Variants in THOP1 observed in about 807,000 individuals in gnomAD.
The protein encoded by THOP1 is thimet oligopeptidase.
A neutral mutation model predicts 71.8 loss-of-function variants in THOP1; 49 were observed. The ratio of observed to expected loss-of-function variants is 0.68; its 90% CI spans 0.54 to 0.87. The LOEUF (loss-of-function observed/expected upper bound fraction) is 0.87. Among genes scored for constraint, THOP1 ranks in the 40% least tolerant of loss-of-function variants. THOP1 has a pLI of 0.00. For missense variants in THOP1, 843 were observed against 975.6 expected (o/e 0.86, Z 1.81); for synonymous variants, 426 against 421.5 (o/e 1.01, Z -0.13).
rs951140557 is a variant in THOP1, at chr19:2,801,575, G to T, written c.589+1784G>T. 6.6e-6 allele frequency among the ~76,000 whole-genome samples: 1 copy of T among 152,196 alleles called. No individual in the cohort carries two copies. Among genetic ancestry groups the T allele is most frequent in the South Asian group, 2.1e-4 (1 of 4,832 alleles). ...CTTTGTGGTCCGTCATTTCTCAGGA[G>T]ACGCCTTGCGATGGTCTTAGTTCCT... On this transcript the variant is annotated intron_variant, in intron 5 of 12. Coordinates refer to ENST00000307741, the MANE Select transcript of THOP1 (RefSeq NM_003249.5). This position sits in a 1 kb window ranked among gnomAD's most constrained non-coding sequence, Gnocchi z 5.1.
intron 9 of THOP1, 55 bp downstream of exon 9, chr19:2,808,499 TG>T: frequency 1.3e-6 from 2 of 1,510,810 alleles, no homozygotes; most frequent in South Asian, 2.5e-5. Context: ...GGGCTGCCTG[TG>T]GTCAGCGAGG....
At chr19:2,800,560 G>A (rs902281791) in intron 5 of THOP1, among the ~76,000 whole-genome samples, 2 of 152,256 alleles carry the variant, frequency 1.3e-5, no homozygotes, top group Admixed American at 1.3e-4. Flanking sequence ...CTGAGGTGGT[G>A]GGTGGGGACA....
intron 1 of THOP1, among the ~76,000 whole-genome samples, chr19:2,789,027 C>G (rs1162901504): frequency 6.6e-6 from 1 of 152,212 alleles, no homozygotes; most frequent in Non-Finnish European, 1.5e-5. Context: ...TCCCAAAGTG[C>G]TGGGATTACA....
chr19:2,811,762 C>T (rs774886754), intron 12 of THOP1, 28 bp downstream of exon 12: 43 of 1,542,132 alleles, frequency 2.8e-5, no homozygotes, highest in African/African-American at 7.3e-5. Context: ...ACAGGGAGGG[C>T]GTCCTGAACG....
chr19:2,785,995 C>G (rs577352908), intron 1 of THOP1, among the ~76,000 whole-genome samples: 1 of 152,304 alleles, frequency 6.6e-6, no homozygotes, highest in African/African-American at 2.4e-5. Context: ...CACAGACAGA[C>G]ATTCAAAAAT....
intron 2 of THOP1, among the ~76,000 whole-genome samples, chr19:2,793,665 G>A (rs1915938808): frequency 6.6e-6 from 1 of 152,170 alleles, no homozygotes; most frequent in Admixed American, 6.5e-5. Context: ...ACTCCAGCTT[G>A]GGCAACAGAG....
chr19:2,807,896 C>T (rs368002783), intron 8 of THOP1, 88 bp downstream of exon 8: 3 of 1,370,842 alleles, frequency 2.2e-6, no homozygotes, highest in Middle Eastern at 2.3e-4. Flanking sequence ...GGAAGGAAGT[C>T]GTTGCCTGCT....
At position 2,790,424 on chromosome 19, in the gene THOP1, G is replaced by T; in HGVS notation, c.20G>T (p.Cys7Phe). Residue 7 changes from cysteine to phenylalanine, a missense_variant, in exon 2 of 13, where the codon TGT (cysteine) becomes TTT (phenylalanine). By Grantham distance (205) the Cys-to-Phe change is radical (BLOSUM62 -2). Coordinates refer to ENST00000307741, the MANE Select transcript of THOP1 (RefSeq NM_003249.5). ...ACTGGGTTTTGTTTCTGCGTAGCCT[G>T]TGCAGGAGACATGGCGGACGCAGCA... The part of the protein sequence containing the change: MKPPAA[C>F]AGDMADAASP... The T allele has an allele frequency of 6.4e-7, 1 of 1,554,034 alleles. No individual in the cohort carries two copies. The highest frequency in any genetic ancestry group is 1.2e-5 in the South Asian group (1 of 81,878).
At chr19:2,811,848 CGTCCTGAACGGCAAGGTACGCGGGGACT>C in intron 12 of THOP1, 114 bp downstream of exon 12, 2 of 1,279,674 alleles carry the variant, frequency 1.6e-6, no homozygotes, top group East Asian at 4.1e-5. Context: ...ACAGGGAGGG[CGTCCTGAACGGCAAGGTACGCGGGGACT>C]GGGGACAGGG....
chr19:2,794,168 C>A (rs1379436282), intron 2 of THOP1, among the ~76,000 whole-genome samples: 1 of 152,098 alleles, frequency 6.6e-6, no homozygotes, highest in Non-Finnish European at 1.5e-5. Context: ...GCACGCGCCA[C>A]CACGCCTGGC....
chr19:2,803,096 G>T (rs1916196420), intron 5 of THOP1, among the ~76,000 whole-genome samples: 1 of 152,190 alleles, frequency 6.6e-6, no homozygotes, highest in South Asian at 2.1e-4. Flanking sequence ...TGATGTCGCA[G>T]GCTCGTCCCA....
chr19:2,808,073 G>A (rs192000766), intron 8 of THOP1, 170 bp from the exon 9 acceptor site: 22 of 853,552 alleles, frequency 2.6e-5, no homozygotes, highest in Admixed American at 2.4e-4. Flanking sequence ...GGGCCTGGCC[G>A]TGGTTTTCAT....
intron 1 of THOP1, among the ~76,000 whole-genome samples, chr19:2,789,322 T>C (rs920277559): frequency 6.6e-6 from 1 of 152,210 alleles, no homozygotes; most frequent in Non-Finnish European, 1.5e-5. Flanking sequence ...TGCCACCTTC[T>C]CTGTGCCGAG....
chr19:2,813,162 G>T lies in THOP1; in HGVS notation c.1956G>T (p.Glu652Asp), dbSNP rs374499299. 3 of 1,612,152 alleles carry T rather than the reference G, an allele frequency of 1.9e-6. No homozygotes were observed. Among genetic ancestry groups the T allele is most frequent in the Non-Finnish European group, 2.5e-6 (3 of 1,179,630 alleles). ...RSCILRPGGSEDASAMLRRFL... is the reference protein window; with the variant it reads ...RSCILRPGGSDDASAMLRRFL... ...GCATCCTGAGACCCGGCGGTTCCGAGGATGCCAGCGCCATGCTGAGGCGCT... is the reference window on the plus strand; with the variant it reads ...GCATCCTGAGACCCGGCGGTTCCGATGATGCCAGCGCCATGCTGAGGCGCT... Residue 652 changes from glutamate to aspartate, a missense_variant, in exon 13 of 13, where the codon GAG (glutamate) becomes GAT (aspartate). Transcript: ENST00000307741.
At chr19:2,794,511 T>G (rs544914171) in intron 2 of THOP1, among the ~76,000 whole-genome samples, 1 of 152,236 alleles carries the variant, frequency 6.6e-6, no homozygotes, top group African/African-American at 2.4e-5. Context: ...GGGCTTTGAG[T>G]TGAATCCTTA....
In THOP1 at chr19:2,810,516, G is replaced by A. The variant is rs200080714; in HGVS notation, c.1642+26G>A. 2.9e-5 allele frequency: 44 copies of A among 1,539,532 alleles called. No individual in the cohort carries two copies. The East Asian group carries it at 1.0e-3, about 36-fold the overall frequency. ...GTGCACCCGCCCCGTCCGGGGAAGG[G>A]TGCTAACCTCGGGGGGCGGCACACA... is the stretch of plus-strand genomic sequence containing the variant. On this transcript the variant is annotated intron_variant, in intron 10 of 12. Transcript: ENST00000307741.
intron 5 of THOP1, among the ~76,000 whole-genome samples, chr19:2,803,998 C>T (rs774812438): frequency 1.9e-4 from 28 of 150,798 alleles, no homozygotes; most frequent in Non-Finnish European, 3.0e-4. Flanking sequence ...CGTGAGCTCC[C>T]GATCGTTCTT....
intron 5 of THOP1, among the ~76,000 whole-genome samples, chr19:2,803,249 A>G (rs1916201455): frequency 6.6e-6 from 1 of 152,210 alleles, no homozygotes; most frequent in Non-Finnish European, 1.5e-5. Flanking sequence ...TAGGAAGCAG[A>G]CACGCATCTC....
intron 2 of THOP1, among the ~76,000 whole-genome samples, chr19:2,790,944 G>A (rs79840891): frequency 0.026 from 3,989 of 152,296 alleles, 164 homozygotes; most frequent in African/African-American, 0.089. Context: ...TCTGAGAGCC[G>A]GAGATGAGAA....
Sources: gnomAD v4.1 joint callset for allele counts (sites outside exome capture counted in the v4.1 genomes callset) on GRCh38, gnomAD v4.1.1 for gene constraint, Gnocchi (gnomAD v3.1) non-coding constraint, MANE v1.5 for transcripts, NCBI Gene and HGNC (gene_info 2026-07-23, HGNC 2026-07-21) for gene names.